NAA35: variants seen among roughly 807,000 people sequenced by gnomAD.
The protein encoded by NAA35 is MAK10 homolog, amino-acid N-acetyltransferase subunit.
Under a neutral mutation model 101.7 loss-of-function variants are expected in NAA35, and 18 were observed. The ratio of observed to expected loss-of-function variants is 0.18; its 90% CI spans 0.12 to 0.26. The LOEUF (loss-of-function observed/expected upper bound fraction) is 0.26, where lower values mean the gene tolerates loss of function less well. NAA35 is among the 10% of genes least tolerant of loss of function. The probability of loss-of-function intolerance (pLI) is 1.00; values close to 1 mark genes in which losing one functional copy is unlikely to be tolerated. For missense variants in NAA35, 601 were observed against 886.8 expected (o/e 0.68, Z 4.09); for synonymous variants, 267 against 273.1 (o/e 0.98, Z 0.22).
intron 6 of NAA35, 30 bp from the exon 7 acceptor site, chr9:85,974,937 C>T: frequency 6.5e-7 from 1 of 1,546,172 alleles, no homozygotes; most frequent in Non-Finnish European, 8.9e-7. Context: ...TTTTGCTATT[C>T]ATGAGCCTGA....
At chr9:86,020,702 G>C (rs1832493105) in intron 21 of NAA35, among the ~76,000 whole-genome samples, 187 bp from the exon 22 acceptor site, 1 of 152,138 alleles carries the variant, frequency 6.6e-6, no homozygotes, top group Non-Finnish European at 1.5e-5. Context: ...AATGAGCTGG[G>C]TGTGGTGGTG....
chr9:86,013,138 G>A lies in NAA35; in HGVS notation c.1383G>A (p.Gln461=). ...GHILEEFATL[Q]DEAEKVDAAL... ...TTCTTGAGGAATTTGCCACCTTGCA[G>A]GATGAGGTAAGAGCCAGGTTCCCCT... Residue 461 remains glutamine, a synonymous_variant, in exon 16 of 23, where the codon CAG becomes CAA. Transcript: ENST00000361671. 1 of 1,590,406 alleles carries A rather than the reference G, an allele frequency of 6.3e-7. No homozygotes were observed. The highest frequency in any genetic ancestry group is 8.6e-7 in the Non-Finnish European group (1 of 1,163,356).
At chr9:85,977,524 T>A (rs1387051883) in intron 10 of NAA35, 78 bp downstream of exon 10, 1 of 998,576 alleles carries the variant, frequency 1.0e-6, no homozygotes, top group African/African-American at 1.6e-5. Context: ...GTTCTGAAAC[T>A]TCTCCCTTGA....
chr9:86,013,330 A>G (rs959201713), intron 16 of NAA35, among the ~76,000 whole-genome samples, 186 bp downstream of exon 16: 8 of 152,246 alleles, frequency 5.3e-5, no homozygotes, highest in Non-Finnish European at 8.8e-5. Context: ...CCAAACTGAT[A>G]GATATCTTAA....
chr9:85,964,270 A>C (rs952248031), intron 6 of NAA35, among the ~76,000 whole-genome samples: 6 of 151,750 alleles, frequency 4.0e-5, no homozygotes, highest in African/African-American at 1.5e-4. Flanking sequence ...TTTTTCACTT[A>C]TGCGCGTGCT....
intron 12 of NAA35, among the ~76,000 whole-genome samples, chr9:85,996,943 T>C (rs1041900875): frequency 4.9e-5 from 7 of 143,920 alleles, no homozygotes; most frequent in African/African-American, 1.0e-4. Flanking sequence ...ACTTAAACTC[T>C]TTTTTTTTTT....
Position 86,018,727 on chromosome 9 carries a change from C to T in NAA35, c.1943C>T (p.Pro648Leu), listed in dbSNP as rs995902177. The change falls in exon 21 of 23, where the codon CCT (proline) becomes CTT (leucine). Residue 648 changes from proline (P) to leucine (L), a missense_variant. Pro to Leu is a moderately conservative substitution (Grantham distance 98). Coordinates refer to ENST00000361671, the MANE Select transcript of NAA35 (RefSeq NM_024635.4). Reference sequence around the variant, plus strand: ...ATGTCTGACCTCAATAAATATAGCCCTCCTCCTCAGTCTCCTGAACTGTAT... The same window carrying T: ...ATGTCTGACCTCAATAAATATAGCCTTCCTCCTCAGTCTCCTGAACTGTAT... ...KEMSDLNKYS[P>L]PPQSPELYVA... 6.2e-7 allele frequency: 1 copy of T among 1,613,892 alleles called. No individual in the cohort carries two copies. Among genetic ancestry groups the T allele is most frequent in the South Asian group, 1.1e-5 (1 of 91,032 alleles).
At chr9:85,942,421 T>C in intron 2 of NAA35, 138 bp downstream of exon 2, 1 of 1,166,942 alleles carries the variant, frequency 8.6e-7, no homozygotes, top group Non-Finnish European at 1.2e-6. Context: ...TTATTCTGTA[T>C]CCTCTAATTT....
rs766042232 is a variant in NAA35 at position 86,009,836 on chromosome 9, A to C, written c.1224-29A>C. 4 of 1,573,002 alleles carry C rather than the reference A, an allele frequency of 2.5e-6. No homozygotes were observed. The East Asian group carries it at 9.0e-5, about 35-fold the overall frequency. ...TGCTGCTTTTGTTTGGGCTGAATAG[A>C]TTTTAATGATGTGACTGTTATCTTG... On this transcript the variant is annotated intron_variant, in intron 14 of 22. Transcript: ENST00000361671.
At chr9:85,992,778 A>G (rs543443307) in intron 11 of NAA35, among the ~76,000 whole-genome samples, 1 of 152,320 alleles carries the variant, frequency 6.6e-6, no homozygotes, top group East Asian at 1.9e-4. Flanking sequence ...AGTTTGTGAA[A>G]CTTGAATGAA....
Position 85,996,382 on chromosome 9 carries a change from C to T in NAA35, c.878-17C>T. The stretch of plus-strand genomic sequence containing the variant: ...GAGAAAAGTTGAAAAATTTTACTTT[C>T]ATTTTTTTCTTTTTAGATCATCCAA... On this transcript the variant is annotated splice_polypyrimidine_tract_variant and intron_variant, in intron 11 of 22. Coordinates refer to ENST00000361671, the MANE Select transcript of NAA35 (RefSeq NM_024635.4). 10 of 1,540,490 alleles carry T rather than the reference C, an allele frequency of 6.5e-6. No homozygotes were observed. Among genetic ancestry groups the T allele is most frequent in the East Asian group, 2.4e-5 (1 of 42,476 alleles).
intron 15 of NAA35, among the ~76,000 whole-genome samples, chr9:86,011,098 T>C (rs1027563459): frequency 7.3e-5 from 11 of 150,706 alleles, no homozygotes; most frequent in Non-Finnish European, 1.3e-4. Context: ...CAAAATTAGC[T>C]GGGCATAGTG....
intron 21 of NAA35, among the ~76,000 whole-genome samples, chr9:86,020,037 T>C (rs1370975191): frequency 6.6e-6 from 1 of 152,192 alleles, no homozygotes; most frequent in African/African-American, 2.4e-5. Context: ...TTAAGAAATC[T>C]AAAAAGAAAG....
chr9:86,011,291 C>G (rs1831908303), intron 15 of NAA35, among the ~76,000 whole-genome samples: 1 of 151,784 alleles, frequency 6.6e-6, no homozygotes, highest in Non-Finnish European at 1.5e-5. Context: ...GTTTTCATCT[C>G]AAGTAATTAG....
Position 85,942,526 on chromosome 9 carries a change from G to A in NAA35, c.124+243G>A, listed in dbSNP as rs958821779. Among the ~76,000 whole-genome samples the A allele has an allele frequency of 3.3e-5, 5 of 152,334 alleles. No individual in the cohort carries two copies. The South Asian group carries it at 1.0e-3, about 32-fold the overall frequency. ...ATTTTTCTTGCTTTAACAGGTTAGA[G>A]AGAGCAGTAATTTCTAACTGTGGAA... On this transcript the variant is annotated intron_variant, in intron 2 of 22. Transcript: ENST00000361671.
intron 6 of NAA35, among the ~76,000 whole-genome samples, chr9:85,964,483 T>G (rs1466664093): frequency 2.6e-5 from 4 of 151,224 alleles, no homozygotes; most frequent in African/African-American, 9.9e-5. Flanking sequence ...TCCATTTTTG[T>G]TAATTGACCC....
chr9:85,959,884 G>C lies in NAA35; in HGVS notation c.348+17G>C. ...TGCTGTTTGGTAAGAATGGAAATAA[G>C]ACTATTGGTTAATTTTAAAACTGTG... On this transcript the variant is annotated intron_variant, in intron 5 of 22. Coordinates refer to ENST00000361671, the MANE Select transcript of NAA35 (RefSeq NM_024635.4). 6.3e-7 allele frequency: 1 copy of C among 1,576,636 alleles called. No individual in the cohort carries two copies. Among genetic ancestry groups the C allele is most frequent in the Non-Finnish European group, 8.7e-7 (1 of 1,151,350 alleles).
intron 2 of NAA35, among the ~76,000 whole-genome samples, chr9:85,947,313 A>G (rs530106704): frequency 3.9e-5 from 6 of 152,292 alleles, no homozygotes; most frequent in African/African-American, 1.4e-4. Context: ...TCTTTGTGAA[A>G]CTTTCAGTGA....
Position 86,023,038 on chromosome 9 carries a change from C to T in NAA35, c.*1078C>T, listed in dbSNP as rs1345320128. ...CAAATATCTTAACTCTGATTTGGTACCTTTCATAAAAACATGATAGTATAG... is the reference window on the plus strand; with the variant it reads ...CAAATATCTTAACTCTGATTTGGTATCTTTCATAAAAACATGATAGTATAG... On this transcript the variant is annotated 3_prime_UTR_variant, in exon 23 of 23. Transcript: ENST00000361671. Among the ~76,000 whole-genome samples the T allele has an allele frequency of 6.6e-6, 1 of 152,114 alleles. No individual in the cohort carries two copies. The highest frequency in any genetic ancestry group is 1.5e-5 in the Non-Finnish European group (1 of 68,020).
Sources: allele counts gnomAD v4.1 joint callset (sites outside exome capture counted in the v4.1 genomes callset), GRCh38; gene constraint gnomAD v4.1.1; transcripts MANE v1.5; gene names NCBI Gene and HGNC (gene_info 2026-07-23, HGNC 2026-07-21).